Variants in ZC2HC1B observed in about 807,000 individuals in gnomAD.
ZC2HC1B encodes the protein zinc finger C2HC-type containing 1B, also known as zinc finger C2HC domain-containing protein 1B.
Under a neutral mutation model 31.0 loss-of-function variants are expected in ZC2HC1B, and 36 were observed. The observed-to-expected ratio is 1.16, with a 90% CI of 0.89 to 1.54. ZC2HC1B has a LOEUF of 1.54. Among genes scored for constraint, ZC2HC1B ranks in the 40% most tolerant of loss-of-function variants. The pLI is 0.00. For missense variants in ZC2HC1B, 260 were observed against 268.6 expected (o/e 0.97, Z 0.22); for synonymous variants, 73 against 88.0 (o/e 0.83, Z 0.95).
chr6:143,875,803 C>G (rs1424995327), intron 1 of ZC2HC1B, among the ~76,000 whole-genome samples: 1 of 150,496 alleles, frequency 6.6e-6, no homozygotes, highest in Non-Finnish European at 1.5e-5. Flanking sequence ...GGGAGGCCAT[C>G]ACTGTTGCCT....
In ZC2HC1B at chr6:143,913,745, C is replaced by T. The variant is rs190218174; in HGVS notation, c.598+10593C>T. ...AAGATTCATGGGAGAAGCATGGTTT[C>T]CTGGGTCACATAGTCACTAATTGCT... On this transcript the variant is annotated intron_variant, in intron 6 of 7. Transcript: ENST00000237275. This position sits in a 1 kb window ranked among gnomAD's most constrained non-coding sequence, Gnocchi z 5.7. Among the ~76,000 whole-genome samples the T allele has an allele frequency of 3.9e-5, 6 of 152,334 alleles. No homozygotes were observed. The highest frequency in any genetic ancestry group is 9.6e-5 in the African/African-American group (4 of 41,572).
rs543536099 is a variant in ZC2HC1B at position 143,885,990 on chromosome 6, T to C, written c.91-42T>C. 1.8e-5 allele frequency: 27 copies of C among 1,483,396 alleles called. No individual in the cohort carries two copies. The East Asian group carries it at 6.6e-4, about 36-fold the overall frequency. 91.9% of individuals were successfully genotyped at this position (1,483,396 alleles called of 1,614,324 possible). A position where few individuals can be genotyped will look rare whatever the true frequency, so the allele number is the denominator to read the frequency against. On this transcript the variant is annotated intron_variant, in intron 2 of 7. Coordinates refer to ENST00000237275, the MANE Select transcript of ZC2HC1B (RefSeq NM_001013623.3). This position sits in a 1 kb window ranked among gnomAD's most constrained non-coding sequence, Gnocchi z 4.2. ...GTACACCTAGGCATTAAAAACTGAT[T>C]GTGCACTTTAGAAATTCCAATCCCT...
rs1265279284 is a variant in ZC2HC1B at position 143,870,386 on chromosome 6, A to G, written c.28+5819A>G. Among the ~76,000 whole-genome samples the G allele has an allele frequency of 1.3e-5, 2 of 152,142 alleles. No individual in the cohort carries two copies. Among genetic ancestry groups the G allele is most frequent in the African/African-American group, 2.4e-5 (1 of 41,430 alleles). On this transcript the variant is annotated intron_variant, in intron 1 of 7. Transcript: ENST00000237275. The surrounding 1 kb of genome is among the most constrained non-coding windows in gnomAD (Gnocchi z 4.7). ...TCTTCTCTTTTTCTGTCAACTGATCATAGAGAACTCCTCATGAGGCCATTG... is the reference window on the plus strand; with the variant it reads ...TCTTCTCTTTTTCTGTCAACTGATCGTAGAGAACTCCTCATGAGGCCATTG...
At chr6:143,873,796 CA>C (rs1434909909) in intron 1 of ZC2HC1B, among the ~76,000 whole-genome samples, 1 of 152,218 alleles carries the variant, frequency 6.6e-6, no homozygotes, top group African/African-American at 2.4e-5. Context: ...GGCCCTGCCC[CA>C]GGAAACCACT....
In ZC2HC1B at chr6:143,933,122, T is replaced by C. The variant is rs1035012575; in HGVS notation, c.599-4527T>C. ...TGTGTTGTCTTTCTTGAATGCTGGT[T>C]ATGCTAGCAGCGAAGTTGTCATGTG... On this transcript the variant is annotated intron_variant, in intron 6 of 7. Transcript: ENST00000237275. The surrounding 1 kb of genome is among the most constrained non-coding windows in gnomAD (Gnocchi z 6.4). Among the ~76,000 whole-genome samples, 13 of 152,206 alleles carry C rather than the reference T, an allele frequency of 8.5e-5. No homozygotes were observed. Among genetic ancestry groups the C allele is most frequent in the African/African-American group, 3.1e-4 (13 of 41,438 alleles).
At chr6:143,902,669 A>G (rs1777750119) in intron 5 of ZC2HC1B, among the ~76,000 whole-genome samples, 1 of 152,256 alleles carries the variant, frequency 6.6e-6, no homozygotes, top group African/African-American at 2.4e-5. Context: ...ATGTTAAAAA[A>G]AACAAAATAG....
At chr6:143,878,483 C>T (rs79439304) in intron 1 of ZC2HC1B, among the ~76,000 whole-genome samples, 2,195 of 150,250 alleles carry the variant, frequency 0.015, 110 homozygotes, top group Middle Eastern at 0.024. Context: ...GTCTCAAAGG[C>T]GGAAGGGGAG....
Position 143,868,566 on chromosome 6 carries a change from C to T in ZC2HC1B, c.28+3999C>T, listed in dbSNP as rs1190766748. ...GAGTCTGCCTTCCCCAGCCCACTAA[C>T]TCAAATGTTAATCTCCTCTGGTAAC... On this transcript the variant is annotated intron_variant, in intron 1 of 7. Transcript: ENST00000237275. This position sits in a 1 kb window ranked among gnomAD's most constrained non-coding sequence, Gnocchi z 4.2. 2.0e-5 allele frequency among the ~76,000 whole-genome samples: 3 copies of T among 152,142 alleles called. No homozygotes were observed. The highest frequency in any genetic ancestry group is 4.4e-5 in the Non-Finnish European group (3 of 68,022).
chr6:143,899,523 A>G lies in ZC2HC1B; in HGVS notation c.489+832A>G, dbSNP rs1001745600. Among the ~76,000 whole-genome samples the G allele has an allele frequency of 2.6e-5, 4 of 152,190 alleles. No individual in the cohort carries two copies. Among genetic ancestry groups the G allele is most frequent in the Middle Eastern group, 3.2e-3 (1 of 316 alleles). On this transcript the variant is annotated intron_variant, in intron 5 of 7. Transcript: ENST00000237275. This position sits in a 1 kb window ranked among gnomAD's most constrained non-coding sequence, Gnocchi z 5.0. ...CCTGAGTAGCTGGAACTACAGGTGC[A>G]TAGCACCACGCCCAGCTAATTTTTT...
rs1341677685 is a variant in ZC2HC1B, at chr6:143,905,104, A to G, written c.598+1952A>G. On this transcript the variant is annotated intron_variant, in intron 6 of 7. Coordinates refer to ENST00000237275, the MANE Select transcript of ZC2HC1B (RefSeq NM_001013623.3). The surrounding 1 kb of genome is among the most constrained non-coding windows in gnomAD (Gnocchi z 4.2). ...TTGGGCTTTTTTATTTCTGCAAGAA[A>G]CATCATTGAGATTTTAACCGTGATT... Among the ~76,000 whole-genome samples, 2 of 152,192 alleles carry G rather than the reference A, an allele frequency of 1.3e-5. No homozygotes were observed. The highest frequency in any genetic ancestry group is 1.3e-4 in the Admixed American group (2 of 15,274).
In ZC2HC1B at chr6:143,900,265, T is replaced by C. The variant is rs189336618; in HGVS notation, c.489+1574T>C. ...TCAGCCGTGTGTGGTGTCACATGCC[T>C]GTAATCCCAGCTATTTGTGAGGCTG... is the stretch of plus-strand genomic sequence containing the variant. On this transcript the variant is annotated intron_variant, in intron 5 of 7. Coordinates refer to ENST00000237275, the MANE Select transcript of ZC2HC1B (RefSeq NM_001013623.3). 2.0e-5 allele frequency among the ~76,000 whole-genome samples: 3 copies of C among 151,960 alleles called. No homozygotes were observed. The East Asian group carries it at 5.8e-4, about 29-fold the overall frequency.
chr6:143,924,704 G>GAA lies in ZC2HC1B; in HGVS notation c.599-12944_599-12943insAA, dbSNP rs2128497220. ...GTTTCTTCTATGCCTAATTTGTTAA[G>GAA]AGTTTTAATCATGAAAAGAAGTTGA... On this transcript the variant is annotated intron_variant, in intron 6 of 7. Coordinates refer to ENST00000237275, the MANE Select transcript of ZC2HC1B (RefSeq NM_001013623.3). The surrounding 1 kb of genome is among the most constrained non-coding windows in gnomAD (Gnocchi z 5.2). Among the ~76,000 whole-genome samples, 1 of 152,252 alleles carries GAA rather than the reference G, an allele frequency of 6.6e-6. No individual in the cohort carries two copies. Among genetic ancestry groups the GAA allele is most frequent in the Admixed American group, 6.5e-5 (1 of 15,296 alleles).
Position 143,924,928 on chromosome 6 carries a change from G to C in ZC2HC1B, c.599-12721G>C, listed in dbSNP as rs1367328715. Among the ~76,000 whole-genome samples the C allele has an allele frequency of 6.6e-6, 1 of 152,032 alleles. No homozygotes were observed. The highest frequency in any genetic ancestry group is 1.5e-5 in the Non-Finnish European group (1 of 68,008). Reference sequence around the variant, plus strand: ...GCTTTTTTGTGTCTGTGTTCATCAGGGGTATTGGCCTGTAGTTTTCTATTT... The same window carrying C: ...GCTTTTTTGTGTCTGTGTTCATCAGCGGTATTGGCCTGTAGTTTTCTATTT... On this transcript the variant is annotated intron_variant, in intron 6 of 7. Transcript: ENST00000237275. This position sits in a 1 kb window ranked among gnomAD's most constrained non-coding sequence, Gnocchi z 5.2.
chr6:143,882,329 ATT>A (rs1273840889), intron 1 of ZC2HC1B, among the ~76,000 whole-genome samples: 2,261 of 98,168 alleles, frequency 0.023, 139 homozygotes, highest in African/African-American at 0.084. Context: ...CATATTTTAT[ATT>A]TTTTATATAT....
In ZC2HC1B at chr6:143,903,543, G is replaced by A. The variant is rs966322760; in HGVS notation, c.598+391G>A. On this transcript the variant is annotated intron_variant, in intron 6 of 7. Coordinates refer to ENST00000237275, the MANE Select transcript of ZC2HC1B (RefSeq NM_001013623.3). This position sits in a 1 kb window ranked among gnomAD's most constrained non-coding sequence, Gnocchi z 4.3. ...TTATGATGGGGCTATGTCCTGATAAGCCCATTGTAAATAGAAATATTATAA... is the reference window on the plus strand; with the variant it reads ...TTATGATGGGGCTATGTCCTGATAAACCCATTGTAAATAGAAATATTATAA... Among the ~76,000 whole-genome samples, 1 of 152,138 alleles carries A rather than the reference G, an allele frequency of 6.6e-6. No homozygotes were observed. The highest frequency in any genetic ancestry group is 2.4e-5 in the African/African-American group (1 of 41,440).
intron 4 of ZC2HC1B, among the ~76,000 whole-genome samples, chr6:143,890,439 A>G (rs1395824025): frequency 6.6e-6 from 1 of 152,020 alleles, no homozygotes; most frequent in East Asian, 1.9e-4. Context: ...TAGAATTAGA[A>G]AGGAACTTCC....
rs1407351830 is a variant in ZC2HC1B at position 143,899,540 on chromosome 6, T to C, written c.489+849T>C. 6.6e-6 allele frequency among the ~76,000 whole-genome samples: 1 copy of C among 152,182 alleles called. No homozygotes were observed. Among genetic ancestry groups the C allele is most frequent in the Non-Finnish European group, 1.5e-5 (1 of 68,024 alleles). Reference sequence around the variant, plus strand: ...ACAGGTGCATAGCACCACGCCCAGCTAATTTTTTGTATTTTTAGTAGAGAT... The same window carrying C: ...ACAGGTGCATAGCACCACGCCCAGCCAATTTTTTGTATTTTTAGTAGAGAT... On this transcript the variant is annotated intron_variant, in intron 5 of 7. Transcript: ENST00000237275. The surrounding 1 kb of genome is among the most constrained non-coding windows in gnomAD (Gnocchi z 5.0).
In ZC2HC1B at chr6:143,921,311, T is replaced by G. The variant is rs1190060248; in HGVS notation, c.599-16338T>G. Among the ~76,000 whole-genome samples, 1 of 152,230 alleles carries G rather than the reference T, an allele frequency of 6.6e-6. No homozygotes were observed. Among genetic ancestry groups the G allele is most frequent in the East Asian group, 1.9e-4 (1 of 5,204 alleles). ...TCACCATCTAATATTCAATATATAT[T>G]TAACTCATTCGTCTCTCATGTACCA... On this transcript the variant is annotated intron_variant, in intron 6 of 7. Transcript: ENST00000237275. The surrounding 1 kb of genome is among the most constrained non-coding windows in gnomAD (Gnocchi z 6.1).
At chr6:143,889,886 A>T (rs903809742) in intron 4 of ZC2HC1B, among the ~76,000 whole-genome samples, 3 of 152,190 alleles carry the variant, frequency 2.0e-5, no homozygotes, top group Non-Finnish European at 2.9e-5. Context: ...TACGTGGAAC[A>T]GTCACCTAAG....
Sources: allele counts gnomAD v4.1 joint callset (sites outside exome capture counted in the v4.1 genomes callset), GRCh38; gene constraint gnomAD v4.1.1; non-coding constraint Gnocchi (gnomAD v3.1); transcripts MANE v1.5; gene names NCBI Gene and HGNC (gene_info 2026-07-23, HGNC 2026-07-21).